GADL1: variants seen among roughly 807,000 people sequenced by gnomAD.
The protein encoded by GADL1 is acidic amino acid decarboxylase GADL1.
GADL1 carries 71 observed loss-of-function variants against 69.5 expected under a neutral mutation model. The observed-to-expected ratio is 1.02, with a 90% CI of 0.84 to 1.25. The LOEUF (loss-of-function observed/expected upper bound fraction) is 1.25. Ranked by LOEUF, GADL1 falls within the 50% of genes most tolerant of loss-of-function variation. The pLI is 0.00. For missense variants in GADL1, 737 were observed against 631.8 expected (o/e 1.17, Z -1.79); for synonymous variants, 254 against 214.4 (o/e 1.18, Z -1.62).
At chr3:30,748,452 C>A (rs1464608896) in intron 14 of GADL1, among the ~76,000 whole-genome samples, 2 of 88,338 alleles carry the variant, frequency 2.3e-5, no homozygotes, top group Non-Finnish European at 5.8e-5. Flanking sequence ...TAAGAAACAC[C>A]CCCATAGAGT....
intron 11 of GADL1, among the ~76,000 whole-genome samples, chr3:30,814,459 G>T (rs1013892585): frequency 2.0e-5 from 3 of 152,136 alleles, no homozygotes; most frequent in African/African-American, 7.2e-5. Flanking sequence ...ATACTTTCAG[G>T]TTTGCAAGCC....
intron 1 of GADL1, among the ~76,000 whole-genome samples, chr3:30,871,285 G>T (rs1575242916): frequency 6.6e-6 from 1 of 151,730 alleles, no homozygotes; most frequent in East Asian, 2.0e-4. Context: ...GATGAAGCGG[G>T]ACTGGTGTAA....
At chr3:30,770,467 C>A (rs879502765) in intron 14 of GADL1, among the ~76,000 whole-genome samples, 2 of 152,198 alleles carry the variant, frequency 1.3e-5, no homozygotes, top group African/African-American at 2.4e-5. Context: ...ACTCATGCCT[C>A]ATGTATGTGT....
At chr3:30,778,824 G>A (rs1331712844) in intron 13 of GADL1, 1 of 152,162 alleles carries the variant, frequency 6.6e-6, no homozygotes, top group Non-Finnish European at 1.5e-5. Context: ...CCCGGCTCTC[G>A]AATATCAGTA....
chr3:30,728,021 C>T lies in GADL1; in HGVS notation c.*221G>A. On this transcript the variant is annotated 3_prime_UTR_variant, in exon 15 of 15. Transcript: ENST00000282538. ...TTCCAGGGGCATTCCTTGAGAAAAT[C>T]ATTTTTTTTTTTAAACTTTCTTCTT... is the stretch of plus-strand genomic sequence containing the variant. 1 of 412,978 alleles carries T rather than the reference C, an allele frequency of 2.4e-6. No homozygotes were observed. Among genetic ancestry groups the T allele is most frequent in the Non-Finnish European group, 4.4e-6 (1 of 228,316 alleles). The allele number at this position is 412,978 out of a possible 1,614,324, so 25.6% of individuals were successfully genotyped here.
chr3:30,736,096 C>T (rs1490162931), intron 14 of GADL1, among the ~76,000 whole-genome samples: 1 of 151,738 alleles, frequency 6.6e-6, no homozygotes, highest in Non-Finnish European at 1.5e-5. Flanking sequence ...GTTTATTTTG[C>T]CTGATGATTA....
chr3:30,851,316 T>A (rs993042837), intron 4 of GADL1, among the ~76,000 whole-genome samples: 1 of 152,142 alleles, frequency 6.6e-6, no homozygotes, highest in Non-Finnish European at 1.5e-5. Flanking sequence ...AGAAAATCCA[T>A]TGTCATGGTA....
chr3:30,823,584 G>C (rs942226612), intron 11 of GADL1, among the ~76,000 whole-genome samples: 2 of 151,618 alleles, frequency 1.3e-5, no homozygotes, highest in Admixed American at 6.6e-5. Context: ...TATTCCTAAG[G>C]GTAAATTTTC....
chr3:30,822,726 T>C (rs1697607332), intron 11 of GADL1, among the ~76,000 whole-genome samples: 1 of 152,040 alleles, frequency 6.6e-6, no homozygotes, highest in Non-Finnish European at 1.5e-5. Flanking sequence ...TTAACTGATA[T>C]GTCACCTCTG....
At chr3:30,870,414 A>G (rs1036447865) in intron 1 of GADL1, among the ~76,000 whole-genome samples, 2 of 151,766 alleles carry the variant, frequency 1.3e-5, no homozygotes, top group South Asian at 2.1e-4. Flanking sequence ...ATGGAAAGAG[A>G]TAAGTGTGGC....
chr3:30,773,177 C>A (rs1696457043), intron 14 of GADL1, among the ~76,000 whole-genome samples: 1 of 152,108 alleles, frequency 6.6e-6, no homozygotes, highest in Non-Finnish European at 1.5e-5. Context: ...CCTTAAAATT[C>A]ATCCTTATAA....
chr3:30,769,202 C>T (rs2125490995), intron 14 of GADL1, among the ~76,000 whole-genome samples: 2 of 152,276 alleles, frequency 1.3e-5, no homozygotes, highest in African/African-American at 2.4e-5. Flanking sequence ...CCCACAGCCC[C>T]AAAGCATTCT....
At chr3:30,743,782 C>T (rs1695660475) in intron 14 of GADL1, among the ~76,000 whole-genome samples, 1 of 152,128 alleles carries the variant, frequency 6.6e-6, no homozygotes, top group Non-Finnish European at 1.5e-5. Flanking sequence ...TTGCCTTTGC[C>T]TCATAACCCA....
chr3:30,812,052 A>G (rs905960702), intron 11 of GADL1, among the ~76,000 whole-genome samples: 1 of 152,212 alleles, frequency 6.6e-6, no homozygotes, highest in Non-Finnish European at 1.5e-5. Flanking sequence ...TTCTGATAAC[A>G]TAAACCAGGG....
intron 9 of GADL1, among the ~76,000 whole-genome samples, chr3:30,835,715 T>C (rs1697862250): frequency 6.6e-6 from 1 of 152,082 alleles, no homozygotes; most frequent in African/African-American, 2.4e-5. Context: ...CCTTGTCCCA[T>C]GGACTAAAGG....
In GADL1 at chr3:30,728,482, A is replaced by T. The variant is rs879108933; in HGVS notation, c.1393-67T>A. ...ATCAAGGCATTTCAATAGCATTTTC[A>T]CCAGCCATTGGACATTTACTGGGCA... On this transcript the variant is annotated intron_variant, in intron 14 of 14. Transcript: ENST00000282538. 3 of 1,335,468 alleles carry T rather than the reference A, an allele frequency of 2.2e-6. No homozygotes were observed. In the African/African-American group the frequency reaches 4.3e-5, roughly 19 times the overall value. The allele number at this position is 1,335,468 out of a possible 1,614,324, so 82.7% of individuals were successfully genotyped here.
intron 14 of GADL1, among the ~76,000 whole-genome samples, chr3:30,729,231 A>G (rs1417309052): frequency 6.6e-6 from 1 of 152,188 alleles, no homozygotes; most frequent in African/African-American, 2.4e-5. Flanking sequence ...TCCATTTTCT[A>G]ATCAGTAGTA....
At chr3:30,822,264 C>A (rs1697595487) in intron 11 of GADL1, among the ~76,000 whole-genome samples, 1 of 152,006 alleles carries the variant, frequency 6.6e-6, no homozygotes, top group Non-Finnish European at 1.5e-5. Context: ...ACCTCAGTAA[C>A]CACTGTTGTA....
chr3:30,775,522 G>C (rs1205108687), intron 14 of GADL1, among the ~76,000 whole-genome samples: 1 of 151,168 alleles, frequency 6.6e-6, no homozygotes, highest in African/African-American at 2.5e-5. Flanking sequence ...GGGAGAGAAT[G>C]ATAGGAAATT....
Sources: gnomAD v4.1 joint callset for allele counts (sites outside exome capture counted in the v4.1 genomes callset) on GRCh38, gnomAD v4.1.1 for gene constraint, MANE v1.5 for transcripts, NCBI Gene and HGNC (gene_info 2026-07-23, HGNC 2026-07-21) for gene names.